The following RGS5 variants were observed in gnomAD, a reference collection of about 807,000 sequenced individuals.
RGS5 encodes the protein regulator of G protein signaling 5.
RGS5 carries 20 observed loss-of-function variants against 18.9 expected under a neutral mutation model. That is an observed-to-expected ratio of 1.06 (90% confidence interval 0.74 to 1.54). The LOEUF is 1.54. RGS5 is among the 40% of genes most tolerant of loss of function. The pLI is 0.00. For missense variants in RGS5, 201 were observed against 211.8 expected (o/e 0.95, Z 0.32); for synonymous variants, 57 against 76.2 (o/e 0.75, Z 1.31).
At chr1:163,241,139 A>T (rs922132057) in intron 2 of RGS5, among the ~76,000 whole-genome samples, 12 of 152,204 alleles carry the variant, frequency 7.9e-5, no homozygotes, top group South Asian at 4.1e-4. Flanking sequence ...AGATGTATTT[A>T]CCCTACTTTA....
chr1:163,152,666 T>A lies in RGS5; in HGVS notation c.268A>T (p.Asn90Tyr). 2 of 1,611,118 alleles carry A rather than the reference T, an allele frequency of 1.2e-6. No homozygotes were observed. The highest frequency in any genetic ancestry group is 1.7e-6 in the Non-Finnish European group (2 of 1,178,618). The part of the protein sequence containing the change: ...SFLKSEFSEE[N>Y]LEFWIACEDY... ...TCACAGGCAATCCAGAACTCAAGGTTTTCCTCACTGAATTCAGACTTCAGG... is the reference window on the plus strand; with the variant it reads ...TCACAGGCAATCCAGAACTCAAGGTATTCCTCACTGAATTCAGACTTCAGG... The change falls in exon 4 of 5, where the codon AAC becomes TAC. Residue 90 changes from asparagine to tyrosine, a missense_variant. Transcript: ENST00000313961.
At chr1:163,291,348 G>C (rs1305335681) in intron 2 of RGS5, among the ~76,000 whole-genome samples, 1 of 152,092 alleles carries the variant, frequency 6.6e-6, no homozygotes, top group Non-Finnish European at 1.5e-5. Flanking sequence ...GTATTCCTGG[G>C]TTTATGGCAA....
chr1:163,213,706 C>T (rs1309799451), intron 1 of RGS5, among the ~76,000 whole-genome samples: 1 of 152,146 alleles, frequency 6.6e-6, no homozygotes, highest in African/African-American at 2.4e-5. Context: ...CTGGTTTTTC[C>T]TCCTACGCTC....
At chr1:163,170,120 G>C (rs1008786246) in intron 1 of RGS5, among the ~76,000 whole-genome samples, 1 of 152,166 alleles carries the variant, frequency 6.6e-6, no homozygotes, top group Non-Finnish European at 1.5e-5. Context: ...ACAAGTTGTT[G>C]AATATTGGGA....
chr1:163,144,964 T>C lies in RGS5; in HGVS notation c.*2378A>G, dbSNP rs1380812697. The C allele has an allele frequency of 1.3e-5, 2 of 152,196 alleles. No individual in the cohort carries two copies. Among genetic ancestry groups the C allele is most frequent in the Non-Finnish European group, 2.9e-5 (2 of 68,036 alleles). The allele number at this position is 152,196 out of a possible 1,614,324, so 9.4% of individuals were successfully genotyped here. On this transcript the variant is annotated 3_prime_UTR_variant, in exon 5 of 5. Transcript: ENST00000313961. ...GAATACAATTTTAAATGTAAGATTA[T>C]ATAGATGTAGATATAGATAGATAGA...
chr1:163,192,968 T>C (rs1176842793), intron 1 of RGS5, among the ~76,000 whole-genome samples: 6 of 152,186 alleles, frequency 3.9e-5, no homozygotes, highest in East Asian at 1.9e-4. Context: ...CTGAATCCCA[T>C]AGACAAGTGC....
chr1:163,197,599 C>G (rs1355536262), intron 1 of RGS5, among the ~76,000 whole-genome samples: 2 of 152,126 alleles, frequency 1.3e-5, no homozygotes, highest in Non-Finnish European at 2.9e-5. Context: ...GAAAGGCAAT[C>G]TAGAGAAATC....
chr1:163,209,291 T>C (rs1388182854), intron 1 of RGS5, among the ~76,000 whole-genome samples: 1 of 152,176 alleles, frequency 6.6e-6, no homozygotes, highest in East Asian at 1.9e-4. Flanking sequence ...ATTTGTCCTT[T>C]CGATTACCAG....
At chr1:163,279,766 T>C (rs1299672134) in intron 2 of RGS5, among the ~76,000 whole-genome samples, 1 of 151,710 alleles carries the variant, frequency 6.6e-6, no homozygotes, top group Non-Finnish European at 1.5e-5. Context: ...GACAAACCAT[T>C]AGCTTGACTG....
chr1:163,240,613 C>G (rs1647766893), intron 2 of RGS5, among the ~76,000 whole-genome samples: 2 of 152,186 alleles, frequency 1.3e-5, no homozygotes, highest in South Asian at 4.1e-4. Context: ...AACTCTAGGG[C>G]TCAAGTGATC....
At chr1:163,204,409 G>A (rs548660127), upstream of RGS5, among the ~76,000 whole-genome samples, 1 of 152,018 alleles carries the variant, frequency 6.6e-6, no homozygotes, top group Admixed American at 6.6e-5. Flanking sequence ...GAGTGAAGTG[G>A]CATGATTATA....
chr1:163,260,577 A>C (rs555668685), intron 2 of RGS5: 2 of 152,154 alleles, frequency 1.3e-5, no homozygotes, highest in Admixed American at 6.5e-5. Context: ...CCATAATGTA[A>C]TGGGTGCACT....
rs1051382446 is a variant in RGS5 at position 163,142,859 on chromosome 1, A to G, written c.*4483T>C. The G allele has an allele frequency of 2.0e-5, 3 of 152,212 alleles. No individual in the cohort carries two copies. Among genetic ancestry groups the G allele is most frequent in the Non-Finnish European group, 4.4e-5 (3 of 68,036 alleles). 9.4% of individuals were successfully genotyped at this position (152,212 alleles called of 1,614,324 possible). On this transcript the variant is annotated 3_prime_UTR_variant, in exon 5 of 5. Transcript: ENST00000313961. ...TCAGGTGAGAGAACAAGTAACTTGCAAGAGGCTTATTAAACTGTATATAAA... is the reference window on the plus strand; with the variant it reads ...TCAGGTGAGAGAACAAGTAACTTGCGAGAGGCTTATTAAACTGTATATAAA...
At chr1:163,308,976 A>G (rs1411501210) in intron 1 of RGS5, among the ~76,000 whole-genome samples, 1 of 152,238 alleles carries the variant, frequency 6.6e-6, no homozygotes, top group Non-Finnish European at 1.5e-5. Flanking sequence ...GCTAATGCTC[A>G]TATGAGTCTT....
intron 1 of RGS5, chr1:163,318,754 A>G (rs1509021): frequency 0.42 from 63,190 of 151,848 alleles, 13,618 homozygotes; most frequent in South Asian, 0.51. Context: ...AGGAGGGTTT[A>G]ATCAATGATA....
intron 2 of RGS5, among the ~76,000 whole-genome samples, chr1:163,270,663 C>G (rs917074856): frequency 1.3e-5 from 2 of 152,100 alleles, no homozygotes; most frequent in Non-Finnish European, 2.9e-5. Context: ...ACAATCCATC[C>G]TACAAAAGTA....
rs1419680131 is a variant in RGS5, at chr1:163,276,320, C to T, written c.-281+29913G>A. On this transcript the variant is annotated intron_variant, in intron 2 of 5. Transcript: ENST00000618415. Reference sequence around the variant, plus strand: ...TGTGGCACATTTTAATCCATCCCAACCATAAAGAATTTCCTGCTTCCTGTA... The same window carrying T: ...TGTGGCACATTTTAATCCATCCCAATCATAAAGAATTTCCTGCTTCCTGTA... 3.3e-5 allele frequency among the ~76,000 whole-genome samples: 5 copies of T among 152,122 alleles called. No homozygotes were observed. The East Asian group carries it at 7.7e-4, about 24-fold the overall frequency.
chr1:163,174,644 CATATT>C (rs1392185164), intron 1 of RGS5, among the ~76,000 whole-genome samples: 5 of 152,160 alleles, frequency 3.3e-5, no homozygotes, highest in African/African-American at 1.2e-4. Context: ...TTTAGTTCCT[CATATT>C]ATATAGGACA....
intron 1 of RGS5, among the ~76,000 whole-genome samples, chr1:163,314,161 A>G (rs570079283): frequency 1.6e-4 from 25 of 152,156 alleles, no homozygotes; most frequent in Non-Finnish European, 2.9e-4. Context: ...ATTATAAAAT[A>G]TTGTATAAAG....
Sources: gnomAD v4.1 joint callset for allele counts (sites outside exome capture counted in the v4.1 genomes callset) on GRCh38, gnomAD v4.1.1 for gene constraint, MANE v1.5 for transcripts, NCBI Gene and HGNC (gene_info 2026-07-23, HGNC 2026-07-21) for gene names.